The following TOX2 variants were observed in gnomAD, a reference collection of about 807,000 sequenced individuals.
TOX2 encodes the protein granulosa cell HMG box 1.
TOX2 carries 15 observed loss-of-function variants against 47.4 expected under a neutral mutation model. The ratio of observed to expected loss-of-function variants is 0.32; its 90% confidence interval spans 0.21 to 0.49. TOX2 has a LOEUF of 0.49. TOX2 is among the 20% of genes least tolerant of loss of function. The pLI is 0.99. For missense variants in TOX2, 622 were observed against 673.1 expected (o/e 0.92, Z 0.84); for synonymous variants, 290 against 296.6 (o/e 0.98, Z 0.23).
chr20:43,956,781 T>A (rs1042335953), intron 1 of TOX2, among the ~76,000 whole-genome samples: 2 of 152,192 alleles, frequency 1.3e-5, no homozygotes, highest in African/African-American at 4.8e-5. Flanking sequence ...CCCAGTTGCA[T>A]TGCAGTAAGT....
chr20:43,974,209 A>G (rs1017215693), intron 2 of TOX2, among the ~76,000 whole-genome samples: 2 of 150,254 alleles, frequency 1.3e-5, no homozygotes, highest in Admixed American at 1.3e-4. Flanking sequence ...CTAGGCTGAG[A>G]TCAGGGAGGG....
intron 1 of TOX2, among the ~76,000 whole-genome samples, chr20:43,944,583 C>T (rs935369096): frequency 2.0e-5 from 3 of 152,192 alleles, no homozygotes; most frequent in Non-Finnish European, 2.9e-5. Flanking sequence ...ACACGCTGGG[C>T]ACCAGCCCCC....
At chr20:44,020,486 A>G (rs1240936753) in intron 3 of TOX2, among the ~76,000 whole-genome samples, 1 of 152,204 alleles carries the variant, frequency 6.6e-6, no homozygotes, top group Non-Finnish European at 1.5e-5. Context: ...AAATAAAAAT[A>G]AAAAGATGGC....
chr20:43,971,377 A>C (rs567374675), intron 1 of TOX2, among the ~76,000 whole-genome samples: 18 of 152,354 alleles, frequency 1.2e-4, no homozygotes, highest in Non-Finnish European at 2.6e-4. Flanking sequence ...GGGCGCGTCG[A>C]AAATGGTGGT....
At chr20:44,037,819 G>T (rs1220390793) in intron 3 of TOX2, among the ~76,000 whole-genome samples, 1 of 152,120 alleles carries the variant, frequency 6.6e-6, no homozygotes, top group African/African-American at 2.4e-5. Context: ...ACAGAAAATT[G>T]GTACCAGTAA....
In TOX2 at chr20:44,056,684, C is replaced by T. The variant is rs146109501; in HGVS notation, c.879+2158C>T. 2.4e-3 allele frequency among the ~76,000 whole-genome samples: 365 copies of T among 152,086 alleles called. 1 individual carries two copies. The highest frequency in any genetic ancestry group is 7.4e-3 in the African/African-American group (308 of 41,444). On this transcript the variant is annotated intron_variant, in intron 5 of 8. Coordinates refer to ENST00000341197, the MANE Select transcript of TOX2 (RefSeq NM_001098797.2). ...GGCATTTCTCTCCTTTTACTTAATG[C>T]GTTCTTTTACTTAATGCGTTATAAA...
intron 3 of TOX2, among the ~76,000 whole-genome samples, chr20:44,051,023 T>C (rs1032532380): frequency 6.6e-6 from 1 of 152,238 alleles, no homozygotes; most frequent in African/African-American, 2.4e-5. Flanking sequence ...ATAACTGGAC[T>C]GAGCTCTCTG....
At chr20:43,994,616 G>T (rs2070437390) in intron 2 of TOX2, among the ~76,000 whole-genome samples, 1 of 152,100 alleles carries the variant, frequency 6.6e-6, no homozygotes, top group Non-Finnish European at 1.5e-5. Context: ...GTTCTGCTGG[G>T]ACTGCTGCTT....
rs1048293706 is a variant in TOX2, at chr20:43,916,519, A to T, written c.99+1529A>T. On this transcript the variant is annotated intron_variant, in intron 1 of 8. Coordinates refer to ENST00000341197, the MANE Select transcript of TOX2 (RefSeq NM_001098797.2). The surrounding 1 kb of genome is among the most constrained non-coding windows in gnomAD (Gnocchi z 5.0). ...GGCGGTGGTTCTCTTTTGTCCAGTGACCTGCAAAGTTAGAAGCCGATGAGG... is the reference window on the plus strand; with the variant it reads ...GGCGGTGGTTCTCTTTTGTCCAGTGTCCTGCAAAGTTAGAAGCCGATGAGG... Among the ~76,000 whole-genome samples, 2 of 152,142 alleles carry T rather than the reference A, an allele frequency of 1.3e-5. No individual in the cohort carries two copies. The highest frequency in any genetic ancestry group is 2.9e-5 in the Non-Finnish European group (2 of 68,032).
intron 5 of TOX2, among the ~76,000 whole-genome samples, chr20:44,057,677 T>C (rs8120233): frequency 0.066 from 10,060 of 151,698 alleles, 453 homozygotes; most frequent in African/African-American, 0.14. Context: ...TCATTTAATT[T>C]TGAATGTGTA....
At chr20:43,924,255 C>T (rs1396716455) in intron 1 of TOX2, among the ~76,000 whole-genome samples, 1 of 152,174 alleles carries the variant, frequency 6.6e-6, no homozygotes, top group Non-Finnish European at 1.5e-5. Flanking sequence ...CAAGGTTCTT[C>T]TTTGTCTCAT....
chr20:43,994,634 A>G (rs552593169), intron 2 of TOX2, among the ~76,000 whole-genome samples: 37 of 152,168 alleles, frequency 2.4e-4, no homozygotes, highest in African/African-American at 8.2e-4. Context: ...CTTCCTAAAG[A>G]AAAGGACCCC....
At chr20:44,014,517 G>C (rs966803124) in intron 3 of TOX2, among the ~76,000 whole-genome samples, 2 of 152,094 alleles carry the variant, frequency 1.3e-5, no homozygotes, top group African/African-American at 4.8e-5. Context: ...CAGGTGTATA[G>C]GCTATGTGGT....
chr20:43,989,369 A>G (rs1443411165), intron 2 of TOX2, among the ~76,000 whole-genome samples: 1 of 152,254 alleles, frequency 6.6e-6, no homozygotes, highest in Admixed American at 6.5e-5. Context: ...GACAGAATCA[A>G]CATGGAAGCT....
At chr20:44,031,104 C>T (rs1011061294) in intron 3 of TOX2, among the ~76,000 whole-genome samples, 1 of 152,014 alleles carries the variant, frequency 6.6e-6, no homozygotes, top group Non-Finnish European at 1.5e-5. Context: ...AAGCAGTTGG[C>T]GCCTTTACAC....
intron 1 of TOX2, among the ~76,000 whole-genome samples, chr20:43,930,029 T>A (rs1275091333): frequency 6.6e-6 from 1 of 152,184 alleles, no homozygotes; most frequent in Admixed American, 6.5e-5. Context: ...TTTTTCTTCG[T>A]GGCATCATAT....
intron 1 of TOX2, chr20:43,955,192 T>C (rs527912046): frequency 1.0e-6 from 1 of 979,030 alleles, no homozygotes; most frequent in African/African-American, 1.7e-5. Flanking sequence ...ATTTGCAGAA[T>C]TTGCACTTCA....
chr20:44,005,040 AT>A (rs1223938490), intron 2 of TOX2, among the ~76,000 whole-genome samples: 1 of 152,266 alleles, frequency 6.6e-6, no homozygotes, highest in African/African-American at 2.4e-5. Flanking sequence ...CATTATTTGT[AT>A]CAAAACATCA....
At chr20:44,002,816 A>G (rs768702657) in intron 2 of TOX2, among the ~76,000 whole-genome samples, 9 of 152,174 alleles carry the variant, frequency 5.9e-5, no homozygotes, top group Non-Finnish European at 1.3e-4. Context: ...CAGCTCTTGC[A>G]TGAATGAATA....
Sources: allele counts gnomAD v4.1 joint callset (sites outside exome capture counted in the v4.1 genomes callset), GRCh38; gene constraint gnomAD v4.1.1; non-coding constraint Gnocchi (gnomAD v3.1); transcripts MANE v1.5; gene names NCBI Gene and HGNC (gene_info 2026-07-23, HGNC 2026-07-21).